The following DAPL1 variants were observed in gnomAD, a reference collection of about 807,000 sequenced individuals.
The protein encoded by DAPL1 is death-associated protein-like 1.
Under a neutral mutation model 12.9 loss-of-function variants are expected in DAPL1, and 17 were observed. The ratio of observed to expected loss-of-function variants is 1.32; its 90% CI spans 0.90 to 1.98. The LOEUF (loss-of-function observed/expected upper bound fraction) is 1.98, where lower values mean the gene tolerates loss of function less well. DAPL1 is among the 30% of genes most tolerant of loss of function. The pLI is 0.00. For synonymous variants in DAPL1, 51 were observed against 42.0 expected (o/e 1.21, Z -0.82); for missense variants, 157 against 125.7 (o/e 1.25, Z -1.19).
intron 2 of DAPL1, among the ~76,000 whole-genome samples, chr2:158,806,726 C>T (rs978639749): frequency 1.3e-5 from 2 of 151,758 alleles, no homozygotes; most frequent in African/African-American, 2.4e-5. Flanking sequence ...ATCCCAGCTA[C>T]TTGGGAGGCT....
chr2:158,804,393 A>G (rs774680404), intron 2 of DAPL1, 24 bp downstream of exon 2: 4 of 1,553,648 alleles, frequency 2.6e-6, no homozygotes, highest in East Asian at 4.5e-5. Flanking sequence ...ATTTTTCTCC[A>G]TCACCTTGAG....
intron 1 of DAPL1, among the ~76,000 whole-genome samples, chr2:158,801,017 A>G (rs978027880): frequency 3.3e-5 from 5 of 152,102 alleles, no homozygotes; most frequent in Admixed American, 6.5e-5. Context: ...TAATTTTTGT[A>G]TTTTTAGTAG....
chr2:158,796,643 A>C (rs1259764237), intron 1 of DAPL1, among the ~76,000 whole-genome samples: 1 of 152,240 alleles, frequency 6.6e-6, no homozygotes, highest in Non-Finnish European at 1.5e-5. Context: ...CTCCATTCTC[A>C]TTATGTTGTT....
chr2:158,795,356 T>C lies in DAPL1; in HGVS notation c.-17T>C. 1 of 1,553,306 alleles carries C rather than the reference T, an allele frequency of 6.4e-7. No individual in the cohort carries two copies. The highest frequency in any genetic ancestry group is 8.7e-7 in the Non-Finnish European group (1 of 1,147,850). On this transcript the variant is annotated 5_prime_UTR_variant, in exon 1 of 4. Coordinates refer to ENST00000309950, the MANE Select transcript of DAPL1 (RefSeq NM_001017920.3). The stretch of plus-strand genomic sequence containing the variant: ...GCCTCCAGAGCACCAGCACTGGCAC[T>C]GGCACTGGCACACGCTATGGCAAAT...
chr2:158,795,799 G>GA (rs1258960741), intron 1 of DAPL1, among the ~76,000 whole-genome samples: 2 of 152,138 alleles, frequency 1.3e-5, no homozygotes, highest in African/African-American at 2.4e-5. Flanking sequence ...TGCTACCATG[G>GA]AAACCTTTCT....
chr2:158,795,350 T>C lies in DAPL1; in HGVS notation c.-23T>C, dbSNP rs1161948584. The C allele has an allele frequency of 6.4e-7, 1 of 1,552,128 alleles. No homozygotes were observed. Among genetic ancestry groups the C allele is most frequent in the Non-Finnish European group, 8.7e-7 (1 of 1,147,102 alleles). On this transcript the variant is annotated 5_prime_UTR_variant, in exon 1 of 4. Coordinates refer to ENST00000309950, the MANE Select transcript of DAPL1 (RefSeq NM_001017920.3). ...CATTCAGCCTCCAGAGCACCAGCAC[T>C]GGCACTGGCACTGGCACACGCTATG...
At chr2:158,803,701 A>G (rs949041067) in intron 1 of DAPL1, among the ~76,000 whole-genome samples, 2 of 152,246 alleles carry the variant, frequency 1.3e-5, no homozygotes, top group African/African-American at 4.8e-5. Context: ...TACTCATTAG[A>G]ACATCTGAGC....
At chr2:158,805,332 T>A (rs550322544) in intron 2 of DAPL1, among the ~76,000 whole-genome samples, 1 of 152,232 alleles carries the variant, frequency 6.6e-6, no homozygotes, top group Non-Finnish European at 1.5e-5. Flanking sequence ...AGCAAGTCAT[T>A]TGTTATTTCT....
chr2:158,815,239 T>C (rs552175195), intron 3 of DAPL1, among the ~76,000 whole-genome samples: 5 of 152,292 alleles, frequency 3.3e-5, no homozygotes, highest in African/African-American at 1.2e-4. Flanking sequence ...CCTGAAAAAA[T>C]AGCAAATGTA....
At chr2:158,795,736 A>C (rs927988362) in intron 1 of DAPL1, among the ~76,000 whole-genome samples, 2 of 152,106 alleles carry the variant, frequency 1.3e-5, no homozygotes, top group Admixed American at 6.5e-5. Context: ...CATTCCTTTC[A>C]CGGGGCCCTG....
At position 158,799,483 on chromosome 2, in the gene DAPL1, T is replaced by C. The variant is rs368340050; in HGVS notation, c.58+4053T>C. On this transcript the variant is annotated intron_variant, in intron 1 of 3. Transcript: ENST00000309950. ...GAGCAAGAACCTGATTGTGTTGCATTGTAAATAATGGCTTGTCTAGACCCC... is the reference window on the plus strand; with the variant it reads ...GAGCAAGAACCTGATTGTGTTGCATCGTAAATAATGGCTTGTCTAGACCCC... Among the ~76,000 whole-genome samples, 75 of 152,074 alleles carry C rather than the reference T, an allele frequency of 4.9e-4. 3 individuals are homozygous for C. In the South Asian group the frequency reaches 0.015, roughly 30 times the overall value.
chr2:158,805,239 T>C (rs1288994674), intron 2 of DAPL1, among the ~76,000 whole-genome samples: 2 of 152,220 alleles, frequency 1.3e-5, no homozygotes, highest in East Asian at 3.8e-4. Context: ...CTTTTAAAGA[T>C]TGCTTCCTAA....
intron 1 of DAPL1, among the ~76,000 whole-genome samples, chr2:158,803,325 A>C (rs569959021): frequency 6.6e-6 from 1 of 152,378 alleles, no homozygotes; most frequent in South Asian, 2.1e-4. Context: ...ATTGTAAAGA[A>C]CAATGATGAA....
chr2:158,798,678 C>T (rs1341160533), intron 1 of DAPL1, among the ~76,000 whole-genome samples: 1 of 152,068 alleles, frequency 6.6e-6, no homozygotes, highest in African/African-American at 2.4e-5. Context: ...TGAAGCTGAC[C>T]TCATGTCAAA....
chr2:158,811,381 C>T (rs554347031), intron 3 of DAPL1, among the ~76,000 whole-genome samples: 5 of 152,098 alleles, frequency 3.3e-5, no homozygotes, highest in African/African-American at 7.2e-5. Flanking sequence ...TGCCAATATT[C>T]GAGTTGGAAG....
At chr2:158,811,559 A>G (rs2059230481) in intron 3 of DAPL1, among the ~76,000 whole-genome samples, 1 of 152,180 alleles carries the variant, frequency 6.6e-6, no homozygotes, top group Non-Finnish European at 1.5e-5. Flanking sequence ...GAAATGAAAA[A>G]TATAGGTTCT....
intron 2 of DAPL1, among the ~76,000 whole-genome samples, chr2:158,805,648 AG>A: frequency 6.7e-6 from 1 of 148,734 alleles, no homozygotes; most frequent in South Asian, 2.1e-4. Context: ...GGACAGCCAA[AG>A]GACAGGTCAT....
intron 3 of DAPL1, among the ~76,000 whole-genome samples, chr2:158,810,836 G>T (rs13389541): frequency 0.016 from 2,365 of 152,248 alleles, 63 homozygotes; most frequent in African/African-American, 0.054. Flanking sequence ...AGCTCTTTAG[G>T]CTAGAAATCT....
chr2:158,795,504 C>T, intron 1 of DAPL1, 74 bp downstream of exon 1: 2 of 1,399,152 alleles, frequency 1.4e-6, no homozygotes, highest in East Asian at 5.0e-5. Context: ...CCATGGAGCA[C>T]CCCGACAGAC....
Sources: allele counts gnomAD v4.1 joint callset (sites outside exome capture counted in the v4.1 genomes callset), GRCh38; gene constraint gnomAD v4.1.1; transcripts MANE v1.5; gene names NCBI Gene and HGNC (gene_info 2026-07-23, HGNC 2026-07-21).